CLASP1: variants seen among roughly 807,000 people sequenced by gnomAD.
The protein encoded by CLASP1 is cytoplasmic linker associated protein 1, also known as CLIP-associating protein 1.
CLASP1 carries 38 observed loss-of-function variants against 192.3 expected under a neutral mutation model. That is an observed-to-expected ratio of 0.20 (90% CI 0.15 to 0.26). The LOEUF is 0.26. CLASP1 is among the 10% of genes least tolerant of loss of function. CLASP1 has a pLI of 1.00. For missense variants in CLASP1, 1,433 were observed against 1,932.5 expected (o/e 0.74, Z 4.85); for synonymous variants, 691 against 712.8 (o/e 0.97, Z 0.49).
chr2:121,586,672 T>A (rs543037749), intron 2 of CLASP1, among the ~76,000 whole-genome samples: 1 of 151,616 alleles, frequency 6.6e-6, no homozygotes, highest in South Asian at 2.1e-4. Flanking sequence ...CTGTCCTGAG[T>A]GTGCATGAAT....
chr2:121,419,704 C>A (rs1432176739), intron 22 of CLASP1, among the ~76,000 whole-genome samples: 1 of 151,830 alleles, frequency 6.6e-6, no homozygotes, highest in Non-Finnish European at 1.5e-5. Flanking sequence ...CCTTGTTTCT[C>A]CATCTGAGAA....
intron 2 of CLASP1, among the ~76,000 whole-genome samples, chr2:121,591,973 G>T (rs2062453043): frequency 6.6e-6 from 1 of 152,090 alleles, no homozygotes; most frequent in South Asian, 2.1e-4. Flanking sequence ...ATTTTCATCT[G>T]ATTTCTCTGG....
chr2:121,449,880 AATT>A (rs2085093245), intron 16 of CLASP1, among the ~76,000 whole-genome samples: 1 of 152,226 alleles, frequency 6.6e-6, no homozygotes, highest in Admixed American at 6.5e-5. Context: ...AGGCTAGTAC[AATT>A]AGATTTTAGC....
At chr2:121,536,065 G>A (rs2095059802) in intron 2 of CLASP1, among the ~76,000 whole-genome samples, 1 of 151,760 alleles carries the variant, frequency 6.6e-6, no homozygotes, top group Admixed American at 6.6e-5. Flanking sequence ...AGTTGTTGTG[G>A]AAAATGGTTA....
intron 2 of CLASP1, among the ~76,000 whole-genome samples, chr2:121,593,647 G>GAAAAAA (rs2062709727): frequency 7.9e-6 from 1 of 126,396 alleles, no homozygotes; most frequent in African/African-American, 3.8e-5. Context: ...AAAAAAAAAG[G>GAAAAAA]AAACTACACA....
chr2:121,478,771 CCACA>C lies in CLASP1; in HGVS notation c.713-8815_713-8812del, dbSNP rs765484378. Among the ~76,000 whole-genome samples, 97 of 44,164 alleles carry C rather than the reference CCACA, an allele frequency of 2.2e-3. 3 individuals are homozygous for C. Among genetic ancestry groups the C allele is most frequent in the African/African-American group, 5.1e-3 (68 of 13,312 alleles). The allele number at this position is 44,164 out of a possible 152,430, so 29.0% of individuals were successfully genotyped here. On this transcript the variant is annotated intron_variant, in intron 8 of 39. Coordinates refer to ENST00000263710, the Ensembl canonical transcript of CLASP1. The stretch of plus-strand genomic sequence containing the variant: ...ACACACCACACACACACCACACACC[CCACA>C]CACACACCCCACACACACCACACAC...
intron 2 of CLASP1, among the ~76,000 whole-genome samples, chr2:121,537,628 G>C (rs544687333): frequency 6.6e-6 from 1 of 152,286 alleles, no homozygotes; most frequent in African/African-American, 2.4e-5. Context: ...AGTGAAGAAA[G>C]ACAATTACTA....
At chr2:121,479,641 G>A (rs557908455) in intron 8 of CLASP1, among the ~76,000 whole-genome samples, 13 of 152,254 alleles carry the variant, frequency 8.5e-5, no homozygotes, top group African/African-American at 2.9e-4. Context: ...TTGAATGGCT[G>A]GATAAAGACT....
Position 121,511,588 on chromosome 2 carries a change from C to CA in CLASP1, c.644+4076dup, listed in dbSNP as rs1358232629. On this transcript the variant is annotated intron_variant, in intron 7 of 39. Transcript: ENST00000263710. ...GGGCAACAAGAGCGAAACTCCATCTCAAAAAAAAAAAAAAGAGAGAGAGAG... is the reference window on the plus strand; with the variant it reads ...GGGCAACAAGAGCGAAACTCCATCTCAAAAAAAAAAAAAAAGAGAGAGAGAG... Among the ~76,000 whole-genome samples, 388 of 95,826 alleles carry CA rather than the reference C, an allele frequency of 4.0e-3. 1 individual carries two copies. Among genetic ancestry groups the CA allele is most frequent in the Middle Eastern group, 0.017 (3 of 174 alleles). The allele number at this position is 95,826 out of a possible 152,430, so 62.9% of individuals were successfully genotyped here. A position where few individuals can be genotyped will look rare whatever the true frequency, so the allele number is the denominator to read the frequency against.
chr2:121,502,277 T>A (rs1335033187), intron 8 of CLASP1, among the ~76,000 whole-genome samples: 1 of 151,794 alleles, frequency 6.6e-6, no homozygotes, highest in African/African-American at 2.4e-5. Context: ...AGAAAAAAAA[T>A]AAAGAACAAT....
intron 6 of CLASP1, among the ~76,000 whole-genome samples, chr2:121,522,019 C>T (rs2094468788): frequency 6.6e-6 from 1 of 152,148 alleles, no homozygotes; most frequent in Non-Finnish European, 1.5e-5. Flanking sequence ...ATGCAAGCTA[C>T]ACAAGAACCC....
intron 9 of CLASP1, among the ~76,000 whole-genome samples, chr2:121,464,509 C>T (rs1008111582): frequency 5.1e-4 from 78 of 152,198 alleles, no homozygotes; most frequent in Non-Finnish European, 7.5e-4. Context: ...CAGCACCTGT[C>T]GTTTCCTGAC....
At chr2:121,483,591 T>A (rs1332343720) in intron 8 of CLASP1, among the ~76,000 whole-genome samples, 2 of 151,912 alleles carry the variant, frequency 1.3e-5, no homozygotes, top group Non-Finnish European at 2.9e-5. Flanking sequence ...TGTATACATA[T>A]ATACACACAC....
In CLASP1 at chr2:121,503,252, GTAAACAAACTAT is replaced by G. The variant is rs2093819998; in HGVS notation, c.645-30_645-19del. 7.2e-7 allele frequency: 1 copy of G among 1,394,680 alleles called. No individual in the cohort carries two copies. Among genetic ancestry groups the G allele is most frequent in the Non-Finnish European group, 1.0e-6 (1 of 1,004,912 alleles). 86.4% of individuals were successfully genotyped at this position (1,394,680 alleles called of 1,614,324 possible). On this transcript the variant is annotated intron_variant, in intron 7 of 39. Coordinates refer to ENST00000263710, the Ensembl canonical transcript of CLASP1. The stretch of plus-strand genomic sequence containing the variant: ...CATTCAACCTGTATGAAAGAAAAAT[GTAAACAAACTAT>G]TAACCATCACTGCTCATAGCCAATT...
At chr2:121,363,734 G>C (rs899436055) in intron 36 of CLASP1, among the ~76,000 whole-genome samples, 6 of 152,336 alleles carry the variant, frequency 3.9e-5, no homozygotes, top group African/African-American at 1.4e-4. Flanking sequence ...CAGCCTGTAA[G>C]AGTGAACTCC....
At chr2:121,608,254 A>C (rs2064720674) in intron 1 of CLASP1, among the ~76,000 whole-genome samples, 1 of 152,242 alleles carries the variant, frequency 6.6e-6, no homozygotes, top group Admixed American at 6.5e-5. Flanking sequence ...TTCTGGACCT[A>C]CTATTAGTCC....
At chr2:121,569,943 G>A (rs529133763) in intron 2 of CLASP1, among the ~76,000 whole-genome samples, 1 of 152,286 alleles carries the variant, frequency 6.6e-6, no homozygotes, top group South Asian at 2.1e-4. Flanking sequence ...GTGGTTAAGA[G>A]TGCAGACTCT....
At chr2:121,447,231 C>A in intron 19 of CLASP1, 106 bp downstream of exon 19, 1 of 1,063,960 alleles carries the variant, frequency 9.4e-7, no homozygotes, top group Non-Finnish European at 1.4e-6. Context: ...AGTAGCCCCA[C>A]AACAGTGAGA....
chr2:121,490,719 A>C (rs528558527), intron 8 of CLASP1, among the ~76,000 whole-genome samples: 18 of 152,364 alleles, frequency 1.2e-4, no homozygotes, highest in South Asian at 4.1e-4. Context: ...AGTCTCTTCC[A>C]GGCTATTTTA....
Sources: gnomAD v4.1 joint callset for allele counts (sites outside exome capture counted in the v4.1 genomes callset) on GRCh38, gnomAD v4.1.1 for gene constraint, MANE v1.5 for transcripts, NCBI Gene and HGNC (gene_info 2026-07-23, HGNC 2026-07-21) for gene names.